Variants in ADAMTSL1 observed in about 807,000 individuals in gnomAD.
ADAMTSL1 encodes ADAMTS like 1, also known as ADAMTS-like protein 1.
In ADAMTSL1, 126 loss-of-function variants were observed where a neutral mutation model predicts 201.8. The ratio of observed to expected loss-of-function variants is 0.62; its 90% CI spans 0.54 to 0.72. The LOEUF (loss-of-function observed/expected upper bound fraction) is 0.72. ADAMTSL1 is among the 30% of genes least tolerant of loss of function. The probability of loss-of-function intolerance (pLI) is 0.00; values close to 1 mark genes in which losing one functional copy is unlikely to be tolerated. For synonymous variants in ADAMTSL1, 1,121 were observed against 903.4 expected (o/e 1.24, Z -4.32); for missense variants, 2,679 against 2,277.8 (o/e 1.18, Z -3.59).
chr9:18,028,292 T>A (rs62553124), intron 1 of ADAMTSL1, among the ~76,000 whole-genome samples: 1 of 152,158 alleles, frequency 6.6e-6, no homozygotes, highest in East Asian at 1.9e-4. Context: ...CAGGTATTGT[T>A]CCTTTGTTTC....
At chr9:18,344,486 C>T (rs896433439) in intron 2 of ADAMTSL1, among the ~76,000 whole-genome samples, 4 of 151,994 alleles carry the variant, frequency 2.6e-5, no homozygotes, top group Non-Finnish European at 5.9e-5. Context: ...TATTCTGCAC[C>T]ATATCTATAT....
intron 23 of ADAMTSL1, among the ~76,000 whole-genome samples, chr9:18,885,403 C>G (rs775989028): frequency 6.6e-6 from 1 of 152,168 alleles, no homozygotes; most frequent in Non-Finnish European, 1.5e-5. Context: ...CCATAGTAGC[C>G]TCCTTGGTTA....
chr9:18,894,357 T>TTTTTTTC (rs1829481259), intron 26 of ADAMTSL1, among the ~76,000 whole-genome samples: 1 of 150,734 alleles, frequency 6.6e-6, no homozygotes, highest in African/African-American at 2.4e-5. Context: ...TTTTTTTTTT[T>TTTTTTTC]TTTTGAAAAA....
chr9:18,144,663 G>A (rs4961456), intron 1 of ADAMTSL1, among the ~76,000 whole-genome samples: 74,464 of 151,816 alleles, frequency 0.49, 18,494 homozygotes, highest in Admixed American at 0.57. Context: ...GGATTAAAAC[G>A]AATTTTTGCA....
chr9:17,991,100 T>G (rs1819132639), intron 1 of ADAMTSL1, among the ~76,000 whole-genome samples: 1 of 152,186 alleles, frequency 6.6e-6, no homozygotes, highest in African/African-American at 2.4e-5. Flanking sequence ...ATGGAATTCC[T>G]ATGTAGATAT....
chr9:18,161,037 A>C (rs1184867994), intron 1 of ADAMTSL1, among the ~76,000 whole-genome samples: 1 of 151,788 alleles, frequency 6.6e-6, no homozygotes. Flanking sequence ...CCTTGATATT[A>C]CATAAAAGTA....
intron 1 of ADAMTSL1, among the ~76,000 whole-genome samples, chr9:18,063,129 G>C (rs564583210): frequency 1.8e-4 from 27 of 152,226 alleles, no homozygotes; most frequent in Non-Finnish European, 3.7e-4. Context: ...AGGAGTTCAA[G>C]ACCAGCCTGA....
chr9:18,723,427 G>T, intron 15 of ADAMTSL1: 1 of 341,484 alleles, frequency 2.9e-6, no homozygotes. Context: ...GGGACTCGTG[G>T]TCCCTAAACC....
intron 1 of ADAMTSL1, among the ~76,000 whole-genome samples, chr9:18,099,285 C>T (rs150714770): frequency 0.012 from 1,567 of 135,038 alleles, 41 homozygotes; most frequent in African/African-American, 0.04. Context: ...TTTTCTTTCC[C>T]GAGTAAGTCA....
chr9:18,548,619 C>T (rs115417807), intron 3 of ADAMTSL1, among the ~76,000 whole-genome samples: 2,025 of 152,144 alleles, frequency 0.013, 50 homozygotes, highest in African/African-American at 0.047. Flanking sequence ...CTTGAAGGAA[C>T]TGTATTTCTC....
chr9:18,516,087 C>CAAAA (rs11418722), intron 2 of ADAMTSL1, among the ~76,000 whole-genome samples: 12,606 of 130,658 alleles, frequency 0.096, 672 homozygotes, highest in Middle Eastern at 0.13. Context: ...CCTCAACTAC[C>CAAAA]AAAAAAAAAA....
At position 18,330,771 on chromosome 9, in the gene ADAMTSL1, G is replaced by T. The variant is rs141965049; in HGVS notation, c.207+166790G>T. ...TAAAGAAATACAACCTTTAAGATAT[G>T]GCACTAAGCAAACCAATAGTTGGGG... On this transcript the variant is annotated intron_variant, in intron 2 of 29. Coordinates refer to the ADAMTSL1 transcript ENST00000680146. 3.7e-3 allele frequency among the ~76,000 whole-genome samples: 561 copies of T among 152,234 alleles called. 14 individuals are homozygous for T. The East Asian group carries it at 0.038, about 10-fold the overall frequency.
upstream of ADAMTSL1, among the ~76,000 whole-genome samples, chr9:18,473,523 G>A (rs1019451831): frequency 6.6e-6 from 1 of 152,026 alleles, no homozygotes; most frequent in African/African-American, 2.4e-5. Context: ...AATAACTTAT[G>A]CCACTGTTTA....
chr9:18,139,164 T>A (rs1402481472), intron 1 of ADAMTSL1, among the ~76,000 whole-genome samples: 2 of 152,176 alleles, frequency 1.3e-5, no homozygotes, highest in Admixed American at 6.5e-5. Context: ...CTTATGGAAT[T>A]GTGATTCTAA....
chr9:18,089,104 A>G (rs552385228), intron 1 of ADAMTSL1, among the ~76,000 whole-genome samples: 1 of 152,314 alleles, frequency 6.6e-6, no homozygotes, highest in South Asian at 2.1e-4. Context: ...GTGAGCCAAG[A>G]TCGTGCCATT....
At chr9:18,359,823 A>ACCCCCCCC (rs1563911432) in intron 2 of ADAMTSL1, among the ~76,000 whole-genome samples, 2 of 42,198 alleles carry the variant, frequency 4.7e-5, no homozygotes, top group African/African-American at 8.6e-5. Flanking sequence ...CCACCTCCCC[A>ACCCCCCCC]CCCGCCCCCC....
chr9:18,355,169 T>G (rs1387019365), intron 2 of ADAMTSL1, among the ~76,000 whole-genome samples: 1 of 152,164 alleles, frequency 6.6e-6, no homozygotes. Flanking sequence ...TTTTTGATAC[T>G]GCATCTCTTT....
At chr9:18,647,438 G>A (rs1201467011) in intron 7 of ADAMTSL1, among the ~76,000 whole-genome samples, 2 of 151,720 alleles carry the variant, frequency 1.3e-5, no homozygotes, top group Non-Finnish European at 2.9e-5. Context: ...GCTTTTGAAT[G>A]TGTTTGCTCT....
chr9:18,081,037 C>T (rs1342704279), intron 1 of ADAMTSL1, among the ~76,000 whole-genome samples: 1 of 152,140 alleles, frequency 6.6e-6, no homozygotes, highest in Non-Finnish European at 1.5e-5. Context: ...TCTAGTTGTA[C>T]CTTACTTATA....
Sources: gnomAD v4.1 joint callset for allele counts (sites outside exome capture counted in the v4.1 genomes callset) on GRCh38, gnomAD v4.1.1 for gene constraint, MANE v1.5 for transcripts, NCBI Gene and HGNC (gene_info 2026-07-23, HGNC 2026-07-21) for gene names.